GRID2IP: variants seen among roughly 807,000 people sequenced by gnomAD.
The protein encoded by GRID2IP is delphilin.
GRID2IP carries 78 observed loss-of-function variants against 114.3 expected under a neutral mutation model. The ratio of observed to expected loss-of-function variants is 0.68; its 90% CI spans 0.57 to 0.82. GRID2IP has a LOEUF of 0.82. GRID2IP is among the 40% of genes least tolerant of loss of function. GRID2IP has a pLI of 0.00. For synonymous variants in GRID2IP, 809 were observed against 724.0 expected (o/e 1.12, Z -1.89); for missense variants, 1,727 against 1,678.5 (o/e 1.03, Z -0.51).
chr7:6,543,284 T>C (rs1318619282), intron 1 of GRID2IP, among the ~76,000 whole-genome samples: 1 of 151,884 alleles, frequency 6.6e-6, no homozygotes, highest in Non-Finnish European at 1.5e-5. Context: ...GTAATCCCAG[T>C]TACTCGGGAG....
rs1332287704 is a variant in GRID2IP, at chr7:6,551,073, C to T, written c.364G>A (p.Gly122Ser). The T allele has an allele frequency of 3.8e-6, 5 of 1,313,742 alleles. No individual in the cohort carries two copies. The highest frequency in any genetic ancestry group is 3.1e-5 in the East Asian group (1 of 31,964). 81.4% of individuals were successfully genotyped at this position (1,313,742 alleles called of 1,614,324 possible). Reference sequence around the variant, plus strand: ...TGCACCGCGTCCGGGCGCTTGCGGCCGGCCAGGCGAAGCAGCTCACGGCCC... The same window carrying T: ...TGCACCGCGTCCGGGCGCTTGCGGCTGGCCAGGCGAAGCAGCTCACGGCCC... The part of the protein sequence containing the change: ...ALGRELLRLA[G>S]RKRPDAVHRE... Residue 122 changes from glycine to serine, a missense_variant, in exon 1 of 22, where the codon GGC becomes AGC. Transcript: ENST00000457091.
intron 1 of GRID2IP, among the ~76,000 whole-genome samples, chr7:6,544,117 T>G (rs750141822): frequency 6.6e-6 from 1 of 152,050 alleles, no homozygotes; most frequent in Non-Finnish European, 1.5e-5. Context: ...TTTAATAGCT[T>G]GTGTATTGAT....
chr7:6,517,647 T>C (rs1779334868), intron 7 of GRID2IP, among the ~76,000 whole-genome samples: 1 of 152,078 alleles, frequency 6.6e-6, no homozygotes, highest in South Asian at 2.1e-4. Flanking sequence ...GGCTCACAAG[T>C]CATCCCAGCA....
chr7:6,503,106 G>A lies in GRID2IP; in HGVS notation c.2965C>T (p.Leu989Phe). The A allele has an allele frequency of 6.4e-7, 1 of 1,550,712 alleles. No homozygotes were observed. The highest frequency in any genetic ancestry group is 8.7e-7 in the Non-Finnish European group (1 of 1,146,540). The change falls in exon 17 of 22, where the codon CTC becomes TTC. Residue 989 changes from leucine to phenylalanine, a missense_variant. Physicochemically the swap from Leu to Phe is conservative, Grantham distance 22 (BLOSUM62 0). Coordinates refer to ENST00000457091, the MANE Select transcript of GRID2IP (RefSeq NM_001145118.2). ...CGGATCTCCTCTGTCTTCTCCTGGA[G>A]GGTGGCCTGGAAGTGGAGGCTGCGC... ...RLRSLHFQAT[L>F]QEKTEEIRGS...
At position 6,509,892 on chromosome 7, in the gene GRID2IP, C is replaced by T. The variant is rs527431197; in HGVS notation, c.1771+391G>A. The stretch of plus-strand genomic sequence containing the variant: ...GCTTATAGGCTAGAGTGCAGTGGTT[C>T]GAAATAGCTCACTGCAGCCTTGAAC... On this transcript the variant is annotated intron_variant, in intron 11 of 21. Coordinates refer to ENST00000457091, the MANE Select transcript of GRID2IP (RefSeq NM_001145118.2). The surrounding 1 kb of genome is among the most constrained non-coding windows in gnomAD (Gnocchi z 4.9). Among the ~76,000 whole-genome samples, 10 of 152,310 alleles carry T rather than the reference C, an allele frequency of 6.6e-5. No individual in the cohort carries two copies. Among genetic ancestry groups the T allele is most frequent in the Admixed American group, 2.6e-4 (4 of 15,300 alleles).
chr7:6,531,926 C>T (rs966740564), intron 2 of GRID2IP, among the ~76,000 whole-genome samples: 6 of 152,212 alleles, frequency 3.9e-5, no homozygotes, highest in Non-Finnish European at 5.9e-5. Flanking sequence ...GGAGTCAGTG[C>T]GAGTGAGGAC....
chr7:6,520,953 A>G lies in GRID2IP; in HGVS notation c.1085-192T>C, dbSNP rs1179969983. Among the ~76,000 whole-genome samples, 1 of 152,024 alleles carries G rather than the reference A, an allele frequency of 6.6e-6. No individual in the cohort carries two copies. Among genetic ancestry groups the G allele is most frequent in the Non-Finnish European group, 1.5e-5 (1 of 67,982 alleles). Reference sequence around the variant, plus strand: ...GGAGTCAGCCCTGGGAAGGGTCCCTAAGGCTATACACTAGGGTTTTTTGTT... The same window carrying G: ...GGAGTCAGCCCTGGGAAGGGTCCCTGAGGCTATACACTAGGGTTTTTTGTT... On this transcript the variant is annotated intron_variant, in intron 6 of 21. Coordinates refer to ENST00000457091, the MANE Select transcript of GRID2IP (RefSeq NM_001145118.2). This position sits in a 1 kb window ranked among gnomAD's most constrained non-coding sequence, Gnocchi z 4.6.
At chr7:6,550,760 A>G (rs1215072719) in intron 1 of GRID2IP, among the ~76,000 whole-genome samples, 1 of 151,702 alleles carries the variant, frequency 6.6e-6, no homozygotes, top group Non-Finnish European at 1.5e-5. Context: ...CTTGGGAGGC[A>G]GAGGTTGTAC....
At position 6,544,575 on chromosome 7, in the gene GRID2IP, C is replaced by T. The variant is rs144012934; in HGVS notation, c.430-4703G>A. ...GTTTACAGGTGTGAGCCACTGTGCC[C>T]GGCCTGCATGGTTTTCAGTATATCT... On this transcript the variant is annotated intron_variant, in intron 1 of 21. Transcript: ENST00000457091. Among the ~76,000 whole-genome samples the T allele has an allele frequency of 4.3e-3, 653 of 152,050 alleles. 6 individuals are homozygous for T. The highest frequency in any genetic ancestry group is 0.031 in the Middle Eastern group (9 of 294).
intron 2 of GRID2IP, among the ~76,000 whole-genome samples, 160 bp downstream of exon 2, chr7:6,539,558 T>G (rs1464821592): frequency 6.6e-6 from 1 of 152,064 alleles, no homozygotes; most frequent in Non-Finnish European, 1.5e-5. Flanking sequence ...GGCCTACCCT[T>G]GTTTGGGGCT....
At position 6,532,113 on chromosome 7, in the gene GRID2IP, TC is replaced by T. The variant is rs1442443233; in HGVS notation, c.585-5345del. Among the ~76,000 whole-genome samples the T allele has an allele frequency of 6.6e-6, 1 of 152,046 alleles. No homozygotes were observed. The highest frequency in any genetic ancestry group is 2.4e-5 in the African/African-American group (1 of 41,420). On this transcript the variant is annotated intron_variant, in intron 2 of 21. Coordinates refer to ENST00000457091, the MANE Select transcript of GRID2IP (RefSeq NM_001145118.2). The surrounding 1 kb of genome is among the most constrained non-coding windows in gnomAD (Gnocchi z 4.4). ...ATCCCTGGAGGCTCTGGGCCTGCCA[TC>T]CCCTGAACAGCAGCAGGAGGGGACC...
chr7:6,539,610 T>C, intron 2 of GRID2IP, 108 bp downstream of exon 2: 1 of 1,055,252 alleles, frequency 9.5e-7, no homozygotes, highest in Non-Finnish European at 1.3e-6. Flanking sequence ...GGCTACCATC[T>C]ATTATCTCCC....
At chr7:6,522,031 T>C (rs1779422254) in intron 4 of GRID2IP, 74 bp from the exon 5 acceptor site, 2 of 1,230,476 alleles carry the variant, frequency 1.6e-6, no homozygotes, top group Admixed American at 2.0e-5. Context: ...CTATCCTGTT[T>C]TACAGGCGAG....
At position 6,534,988 on chromosome 7, in the gene GRID2IP, C is replaced by G. The variant is rs1370786184; in HGVS notation, c.584+4730G>C. 2.0e-5 allele frequency among the ~76,000 whole-genome samples: 3 copies of G among 152,206 alleles called. No homozygotes were observed. Among genetic ancestry groups the G allele is most frequent in the Non-Finnish European group, 4.4e-5 (3 of 68,030 alleles). ...GCAATCTCCGCCTCCCAGGTTCAAG[C>G]GATGCTCCTGCCTCAGCCTCCCGAG... is the stretch of plus-strand genomic sequence containing the variant. On this transcript the variant is annotated intron_variant, in intron 2 of 21. Transcript: ENST00000457091. The surrounding 1 kb of genome is among the most constrained non-coding windows in gnomAD (Gnocchi z 4.5).
At chr7:6,540,088 C>T (rs1272647898) in intron 1 of GRID2IP, among the ~76,000 whole-genome samples, 1 of 141,866 alleles carries the variant, frequency 7.0e-6, no homozygotes, top group Non-Finnish European at 1.5e-5. Flanking sequence ...CTTCCCTTCC[C>T]CTCCCCTCCC....
At chr7:6,525,127 A>G (rs918544155) in intron 4 of GRID2IP, among the ~76,000 whole-genome samples, 2 of 152,030 alleles carry the variant, frequency 1.3e-5, no homozygotes, top group African/African-American at 4.8e-5. Flanking sequence ...CAACATGACG[A>G]AGCCCCATCT....
rs1397354937 is a variant in GRID2IP, at chr7:6,501,892, T to C, written c.3288A>G (p.Gln1096=). 10 of 1,551,330 alleles carry C rather than the reference T, an allele frequency of 6.4e-6. No homozygotes were observed. The highest frequency in any genetic ancestry group is 2.0e-5 in the Admixed American group (1 of 50,952). Residue 1096 remains glutamine, a synonymous_variant, in exon 20 of 22, where the codon CAA becomes CAG. Transcript: ENST00000457091. ...CAGCCAGGTCACTGGTCAGGGCCCG[T>C]TGGTTCACTGTAGGGAAGAGGACAG... The part of the protein sequence containing the change: ...PTVPLAAKVN[Q]RALTSDLADL...
At chr7:6,529,377 G>C (rs920725711) in intron 2 of GRID2IP, among the ~76,000 whole-genome samples, 1 of 151,980 alleles carries the variant, frequency 6.6e-6, no homozygotes, top group Non-Finnish European at 1.5e-5. Flanking sequence ...CTTGAACCGG[G>C]GAGACAGAGG....
chr7:6,508,230 C>T lies in GRID2IP; in HGVS notation c.2299G>A (p.Ala767Thr), dbSNP rs1234325277. ...PPPPPLPFHD[A>T]KPSSRSSDGS... The stretch of plus-strand genomic sequence containing the variant: ...TCAGAGCTGCGGGAGCTGGGCTTAG[C>T]GTCATGGAAAGGCAGGGGTGGCGGT... The change falls in exon 13 of 22, where the codon GCT (alanine) becomes ACT (threonine). Residue 767 changes from alanine to threonine, a missense_variant. Physicochemically the swap from Ala to Thr is moderately conservative, Grantham distance 58. Transcript: ENST00000457091. The surrounding 1 kb of genome is among the most constrained non-coding windows in gnomAD (Gnocchi z 5.6). 8.9e-6 allele frequency: 12 copies of T among 1,345,250 alleles called. No homozygotes were observed. Among genetic ancestry groups the T allele is most frequent in the South Asian group, 2.6e-5 (2 of 76,532 alleles). The allele number at this position is 1,345,250 out of a possible 1,614,324, so 83.3% of individuals were successfully genotyped here.
Sources: gnomAD v4.1 joint callset for allele counts (sites outside exome capture counted in the v4.1 genomes callset) on GRCh38, gnomAD v4.1.1 for gene constraint, Gnocchi (gnomAD v3.1) non-coding constraint, MANE v1.5 for transcripts, NCBI Gene and HGNC (gene_info 2026-07-23, HGNC 2026-07-21) for gene names.